The following MEIOSIN variants were observed in gnomAD, a reference collection of about 807,000 sequenced individuals.
MEIOSIN encodes the protein meiosis initiator protein.
Under a neutral mutation model 23.4 loss-of-function variants are expected in MEIOSIN, and 18 were observed. The observed-to-expected ratio is 0.77, with a 90% CI of 0.53 to 1.14. The LOEUF is 1.14. MEIOSIN is among the 50% of genes most tolerant of loss of function. The probability of loss-of-function intolerance (pLI) is 0.00; values close to 1 mark genes in which losing one functional copy is unlikely to be tolerated. For synonymous variants in MEIOSIN, 187 were observed against 100.6 expected (o/e 1.86, Z -5.14); for missense variants, 428 against 242.9 (o/e 1.76, Z -5.07).
intron 11 of MEIOSIN, among the ~76,000 whole-genome samples, chr19:45,761,255 G>C (rs900909177): frequency 1.3e-5 from 2 of 151,432 alleles, no homozygotes; most frequent in Non-Finnish European, 2.9e-5. Context: ...CTCCAGAGTA[G>C]CTGGGACTAC....
At chr19:45,752,764 C>G (rs555828333) in intron 5 of MEIOSIN, among the ~76,000 whole-genome samples, 5 of 152,178 alleles carry the variant, frequency 3.3e-5, no homozygotes, top group African/African-American at 1.2e-4. Flanking sequence ...GTTAAGGTCA[C>G]AGAGATGAGC....
intron 11 of MEIOSIN, among the ~76,000 whole-genome samples, chr19:45,761,188 G>C (rs1380429600): frequency 6.7e-6 from 1 of 149,986 alleles, no homozygotes; most frequent in Non-Finnish European, 1.5e-5. Flanking sequence ...GCAGTGGTAC[G>C]ATCTCGGCTC....
chr19:45,757,830 TTTTTG>T (rs1209086851), intron 9 of MEIOSIN, among the ~76,000 whole-genome samples: 2 of 151,604 alleles, frequency 1.3e-5, no homozygotes, highest in African/African-American at 4.9e-5. Context: ...TCTTTTTGTG[TTTTTG>T]TTTTGTTTTT....
At chr19:45,755,196 C>CT (rs1313479846) in intron 7 of MEIOSIN, among the ~76,000 whole-genome samples, 1 of 149,696 alleles carries the variant, frequency 6.7e-6, no homozygotes, top group African/African-American at 2.5e-5. Context: ...GTCGCCCAGG[C>CT]TGGAGTGCAG....
chr19:45,741,882 A>AT (rs1968512206), intron 3 of MEIOSIN, among the ~76,000 whole-genome samples: 29 of 151,790 alleles, frequency 1.9e-4, no homozygotes, highest in Admixed American at 1.6e-3. Flanking sequence ...TTATTTATTT[A>AT]TTTTTTGAGA....
Position 45,758,954 on chromosome 19 carries a change from CA to C in MEIOSIN, c.1090del (p.Ser364AlafsTer24). 4 of 703,134 alleles carry C rather than the reference CA, an allele frequency of 5.7e-6. No individual in the cohort carries two copies. The South Asian group carries it at 5.9e-5, about 10-fold the overall frequency. The allele number at this position is 703,134 out of a possible 1,614,324, so 43.6% of individuals were successfully genotyped here. A position where few individuals can be genotyped will look rare whatever the true frequency, so the allele number is the denominator to read the frequency against. ...TGHPSEILGL[S>X]PSLFSSPGKL... is the part of the protein sequence containing the mutation. ...GCCACCCAAGTGAGATCCTCGGGCT[CA>C]GCCCTAGCCTTTTCAGCTCCCCAGG... On this transcript the variant is annotated frameshift_variant, in exon 10 of 15. Transcript: ENST00000457052. LOFTEE classifies it high-confidence loss of function.
intron 1 of MEIOSIN, among the ~76,000 whole-genome samples, chr19:45,734,118 C>G (rs1264633544): frequency 6.6e-6 from 1 of 152,034 alleles, no homozygotes; most frequent in Non-Finnish European, 1.5e-5. Context: ...GGGCCTAAAT[C>G]CCAATGTAGA....
intron 6 of MEIOSIN, 61 bp downstream of exon 6, chr19:45,753,849 C>T (rs1284470503): frequency 2.7e-5 from 18 of 661,504 alleles, no homozygotes; most frequent in Non-Finnish European, 4.4e-5. Flanking sequence ...AGGGCTCCTT[C>T]TCCAGGGATG....
At chr19:45,755,195 G>C (rs1185954666) in intron 7 of MEIOSIN, among the ~76,000 whole-genome samples, 1 of 150,920 alleles carries the variant, frequency 6.6e-6, no homozygotes, top group Non-Finnish European at 1.5e-5. Context: ...TGTCGCCCAG[G>C]CTGGAGTGCA....
intron 2 of MEIOSIN, among the ~76,000 whole-genome samples, chr19:45,737,586 C>T (rs1457967459): frequency 6.6e-6 from 1 of 151,728 alleles, no homozygotes; most frequent in Non-Finnish European, 1.5e-5. Flanking sequence ...CCACATCAGC[C>T]TCCCAAGTAT....
rs897209366 is a variant in MEIOSIN, at chr19:45,763,441, G to A, written c.1769+14G>A. The A allele has an allele frequency of 7.5e-6, 3 of 398,574 alleles. No individual in the cohort carries two copies. The highest frequency in any genetic ancestry group is 2.1e-5 in the African/African-American group (1 of 48,644). 24.7% of individuals were successfully genotyped at this position (398,574 alleles called of 1,614,324 possible). A position where few individuals can be genotyped will look rare whatever the true frequency, so the allele number is the denominator to read the frequency against. On this transcript the variant is annotated intron_variant, in intron 14 of 14. Coordinates refer to ENST00000457052, the MANE Select transcript of MEIOSIN (RefSeq NM_001310124.2). ...GAGGCCATACTGGTGAGAGGCTCCGGCCCCGAGGTGTGGGTGGGGGGTGGA... is the reference window on the plus strand; with the variant it reads ...GAGGCCATACTGGTGAGAGGCTCCGACCCCGAGGTGTGGGTGGGGGGTGGA...
At chr19:45,750,922 G>C in intron 5 of MEIOSIN, 136 bp downstream of exon 5, 1 of 391,732 alleles carries the variant, frequency 2.6e-6, no homozygotes. Flanking sequence ...CCTCAGAGAA[G>C]AGGGGCCTTG....
rs1008036021 is a variant in MEIOSIN, at chr19:45,761,780, C to T, written c.1347C>T (p.Ser449=). The change falls in exon 12 of 15, where the codon AGC becomes AGT. Residue 449 remains serine, a synonymous_variant. Coordinates refer to ENST00000457052, the MANE Select transcript of MEIOSIN (RefSeq NM_001310124.2). ...GCTACCTCTCGCTGAGCGGGAACAGCAAGGCGCCATCCAGCTCCAGCTCCA... is the reference window on the plus strand; with the variant it reads ...GCTACCTCTCGCTGAGCGGGAACAGTAAGGCGCCATCCAGCTCCAGCTCCA... The part of the protein sequence containing the change: ...DHCYLSLSGN[S]KAPSSSSSSS... The T allele has an allele frequency of 5.8e-6, 4 of 695,076 alleles. No homozygotes were observed. The African/African-American group carries it at 7.3e-5, about 13-fold the overall frequency. The allele number at this position is 695,076 out of a possible 1,614,324, so 43.1% of individuals were successfully genotyped here.
At chr19:45,740,664 C>A (rs1244465448) in intron 3 of MEIOSIN, among the ~76,000 whole-genome samples, 1 of 151,744 alleles carries the variant, frequency 6.6e-6, no homozygotes, top group Admixed American at 6.6e-5. Flanking sequence ...GCAGGAGAAT[C>A]GCTTGAACCC....
chr19:45,737,334 C>G (rs917532174), intron 2 of MEIOSIN, among the ~76,000 whole-genome samples: 2 of 151,968 alleles, frequency 1.3e-5, no homozygotes, highest in African/African-American at 4.8e-5. Context: ...CGTGCACCAC[C>G]ACGCCTGGCT....
chr19:45,763,951 T>A lies in MEIOSIN; in HGVS notation c.1770-20T>A, dbSNP rs1032973640. ...GGAGGCGAGTGAGGAAGCCAGGCCA[T>A]CCTGCCACCGTCTCCCCAGCACCAA... On this transcript the variant is annotated intron_variant, in intron 14 of 14. Coordinates refer to ENST00000457052, the MANE Select transcript of MEIOSIN (RefSeq NM_001310124.2). 5.0e-6 allele frequency: 2 copies of A among 398,546 alleles called. No homozygotes were observed. Among genetic ancestry groups the A allele is most frequent in the African/African-American group, 2.1e-5 (1 of 48,600 alleles). 24.7% of individuals were successfully genotyped at this position (398,546 alleles called of 1,614,324 possible).
chr19:45,735,263 T>A (rs536189010), intron 1 of MEIOSIN, 114 bp from the exon 2 acceptor site: 2 of 627,390 alleles, frequency 3.2e-6, no homozygotes, highest in South Asian at 1.8e-5. Flanking sequence ...TATTTTGGGA[T>A]CTCTGGGTGC....
chr19:45,748,203 G>A (rs1175120823), intron 4 of MEIOSIN, among the ~76,000 whole-genome samples: 1 of 151,640 alleles, frequency 6.6e-6, no homozygotes, highest in Non-Finnish European at 1.5e-5. Context: ...TCAGCCTCCT[G>A]AGTGGCTGGG....
chr19:45,739,777 CAT>C (rs1228685317), intron 3 of MEIOSIN, 47 bp downstream of exon 3: 1 of 702,856 alleles, frequency 1.4e-6, no homozygotes, highest in Non-Finnish European at 2.6e-6. Flanking sequence ...CAAGCAAAAA[CAT>C]AGCCCATTGT....
Sources: allele counts gnomAD v4.1 joint callset (sites outside exome capture counted in the v4.1 genomes callset), GRCh38; gene constraint gnomAD v4.1.1; transcripts MANE v1.5; gene names NCBI Gene and HGNC (gene_info 2026-07-23, HGNC 2026-07-21).